Variants in ABCA13 observed in about 807,000 individuals in gnomAD.
ABCA13 encodes ATP binding cassette subfamily A member 13.
ABCA13 carries 476 observed loss-of-function variants against 478.7 expected under a neutral mutation model. The observed-to-expected ratio is 0.99, with a 90% confidence interval of 0.92 to 1.07. ABCA13 has a LOEUF of 1.07. ABCA13 is among the 50% of genes least tolerant of loss of function. The pLI is 0.00. For missense variants in ABCA13, 6,060 were observed against 5,910.6 expected (o/e 1.03, Z -0.83); for synonymous variants, 2,252 against 2,158.9 (o/e 1.04, Z -1.20).
intron 32 of ABCA13, among the ~76,000 whole-genome samples, chr7:48,369,447 G>A (rs556160030): frequency 6.6e-6 from 1 of 152,142 alleles, no homozygotes; most frequent in South Asian, 2.1e-4. Flanking sequence ...TTGGGTTCTT[G>A]GTCATGAAGT....
At chr7:48,399,380 G>A (rs531446428) in intron 38 of ABCA13, among the ~76,000 whole-genome samples, 1 of 152,270 alleles carries the variant, frequency 6.6e-6, no homozygotes, top group East Asian at 1.9e-4. Context: ...GAGACAAGGG[G>A]TTGTCTCTCC....
At chr7:48,468,701 A>C (rs371519333) in intron 44 of ABCA13, among the ~76,000 whole-genome samples, 1 of 152,242 alleles carries the variant, frequency 6.6e-6, no homozygotes, top group Non-Finnish European at 1.5e-5. Flanking sequence ...GACTTGGGCA[A>C]TCACTTGATA....
At chr7:48,396,177 T>C (rs780758137) in intron 38 of ABCA13, among the ~76,000 whole-genome samples, 2 of 152,184 alleles carry the variant, frequency 1.3e-5, no homozygotes, top group Admixed American at 6.5e-5. Context: ...AATCCTGAGA[T>C]CCTTCAAGGA....
At chr7:48,605,843 G>A (rs1213756543) in intron 58 of ABCA13, among the ~76,000 whole-genome samples, 1 of 152,036 alleles carries the variant, frequency 6.6e-6, no homozygotes, top group African/African-American at 2.4e-5. Flanking sequence ...TCACTTTCAG[G>A]TACACCAATC....
At chr7:48,478,356 A>G (rs1483741533) in intron 45 of ABCA13, among the ~76,000 whole-genome samples, 1 of 150,234 alleles carries the variant, frequency 6.7e-6, no homozygotes, top group East Asian at 1.9e-4. Context: ...GCTTTTTAAT[A>G]TATGCATTAC....
chr7:48,506,226 C>A, intron 48 of ABCA13, 110 bp from the exon 49 acceptor site: 2 of 1,204,962 alleles, frequency 1.7e-6, no homozygotes, highest in Non-Finnish European at 2.4e-6. Flanking sequence ...CTGGGCAAAG[C>A]AAGCAGGATA....
chr7:48,407,989 A>T (rs1818483585), intron 39 of ABCA13, among the ~76,000 whole-genome samples: 1 of 152,218 alleles, frequency 6.6e-6, no homozygotes, highest in Admixed American at 6.5e-5. Flanking sequence ...TGCTCCACAG[A>T]TACCAAGGGA....
At position 48,275,325 on chromosome 7, in the gene ABCA13, G is replaced by T; in HGVS notation, c.5659G>T (p.Val1887Phe). ...CCGAATGGAAATAACTAGGAAAGTG[G>T]TCTGCATAATTCATGAATTAGTGGA... Reference protein sequence around the residue: ...SSRMEITRKVVCIIHELVDWN... With the variant: ...SSRMEITRKVFCIIHELVDWN... The change falls in exon 17 of 62, where the codon GTC becomes TTC. Residue 1887 changes from valine (V) to phenylalanine (F), a missense_variant. By Grantham distance (50) the Val-to-Phe change is conservative. Coordinates refer to ENST00000435803, the MANE Select transcript of ABCA13 (RefSeq NM_152701.5). 6.2e-7 allele frequency: 1 copy of T among 1,613,916 alleles called. No homozygotes were observed. Among genetic ancestry groups the T allele is most frequent in the South Asian group, 1.1e-5 (1 of 91,082 alleles).
chr7:48,389,412 G>A (rs568481239), intron 37 of ABCA13, among the ~76,000 whole-genome samples, 192 bp downstream of exon 37: 73 of 152,280 alleles, frequency 4.8e-4, no homozygotes, highest in African/African-American at 9.1e-4. Flanking sequence ...GTCTTCAACC[G>A]CACAGGTGCA....
At chr7:48,236,398 CAGTT>C (rs769260012) in intron 8 of ABCA13, among the ~76,000 whole-genome samples, 17 of 152,138 alleles carry the variant, frequency 1.1e-4, no homozygotes, top group Admixed American at 8.5e-4. Flanking sequence ...TATTTTTAAA[CAGTT>C]AGGGAACGGT....
Position 48,227,301 on chromosome 7 carries a change from G to T in ABCA13, c.508G>T (p.Glu170Ter). ...NKTEEVILKL[E>*]SLHQQPHIWD... is the part of the protein sequence containing the mutation. ...GACCGAGGAGGTAATATTGAAACTG[G>T]AAAGCCTCCATCAGCAGCCTCATAT... The change falls in exon 6 of 62, where the codon GAA (glutamate) becomes TAA (stop). Residue 170 changes from glutamate to a stop codon, truncating the protein, a stop_gained. Transcript: ENST00000435803. LOFTEE classifies it high-confidence loss of function. 1.9e-6 allele frequency: 3 copies of T among 1,613,688 alleles called. No individual in the cohort carries two copies. The highest frequency in any genetic ancestry group is 2.5e-6 in the Non-Finnish European group (3 of 1,179,818).
intron 50 of ABCA13, among the ~76,000 whole-genome samples, chr7:48,510,691 C>G (rs1226358613): frequency 6.6e-6 from 1 of 152,166 alleles, no homozygotes; most frequent in South Asian, 2.1e-4. Flanking sequence ...TGAGGCTTCT[C>G]TCCTTGGCTT....
chr7:48,202,170 C>G (rs879401637), intron 3 of ABCA13, among the ~76,000 whole-genome samples: 334 of 152,278 alleles, frequency 2.2e-3, no homozygotes, highest in Non-Finnish European at 4.2e-3. Flanking sequence ...TGGAAGGGGA[C>G]CCTAGTGGCT....
At chr7:48,529,721 G>A (rs1833098611) in intron 55 of ABCA13, among the ~76,000 whole-genome samples, 1 of 151,968 alleles carries the variant, frequency 6.6e-6, no homozygotes, top group Non-Finnish European at 1.5e-5. Context: ...ACTTTATGTT[G>A]CATTTATAAA....
chr7:48,499,875 C>T (rs543873760), intron 48 of ABCA13, among the ~76,000 whole-genome samples: 1 of 152,268 alleles, frequency 6.6e-6, no homozygotes, highest in East Asian at 1.9e-4. Context: ...TGTTACCTAC[C>T]TAGAGTACTG....
In ABCA13 at chr7:48,333,779, A is replaced by C. The variant is rs552309390; in HGVS notation, c.10000-1643A>C. On this transcript the variant is annotated intron_variant, in intron 27 of 61. Transcript: ENST00000435803. ...GAGATGGAGCCTCCAGCAGTTGGAG[A>C]AGAAGGGGACTTCTTAGGAGCCCAG... is the stretch of plus-strand genomic sequence containing the variant. Among the ~76,000 whole-genome samples the C allele has an allele frequency of 2.2e-4, 33 of 152,278 alleles. 1 individual carries two copies. In the South Asian group the frequency reaches 6.6e-3, roughly 31 times the overall value.
intron 53 of ABCA13, 108 bp from the exon 54 acceptor site, chr7:48,524,140 C>T (rs548907687): frequency 1.5e-5 from 16 of 1,039,540 alleles, no homozygotes; most frequent in South Asian, 3.6e-5. Context: ...CCCAGAAGTC[C>T]GAAGGTGATA....
Position 48,645,458 on chromosome 7 carries a change from A to G in ABCA13, c.15123A>G (p.Gln5041=), listed in dbSNP as rs776022418. ...NFASEQQQTL[Q]STLDPSTDSH... ...CTTCTGAGCAGCAGCAAACTCTACAATCTACTCTTGATCCATCCACTGACA... is the reference window on the plus strand; with the variant it reads ...CTTCTGAGCAGCAGCAAACTCTACAGTCTACTCTTGATCCATCCACTGACA... The change falls in exon 62 of 62, where the codon CAA becomes CAG. Residue 5041 remains glutamine, a synonymous_variant. Coordinates refer to ENST00000435803, the MANE Select transcript of ABCA13 (RefSeq NM_152701.5). The G allele has an allele frequency of 1.6e-5, 25 of 1,587,914 alleles. No homozygotes were observed. The highest frequency in any genetic ancestry group is 7.1e-5 in the Admixed American group (4 of 56,476).
In ABCA13 at chr7:48,274,640, A is replaced by G. The variant is rs753950529; in HGVS notation, c.4974A>G (p.Gln1658=). The G allele has an allele frequency of 1.2e-6, 2 of 1,613,894 alleles. No homozygotes were observed. The highest frequency in any genetic ancestry group is 1.7e-6 in the Non-Finnish European group (2 of 1,179,864). Residue 1658 remains glutamine, a synonymous_variant, in exon 17 of 62, where the codon CAA becomes CAG. Transcript: ENST00000435803. ...HTSPQNAGYM[Q]ALKKVTSVMR... ...GTCCACAAAATGCAGGTTATATGCA[A>G]GCTTTGAAGAAGGTAACTTCTGTCA...
Sources: allele counts gnomAD v4.1 joint callset (sites outside exome capture counted in the v4.1 genomes callset), GRCh38; gene constraint gnomAD v4.1.1; transcripts MANE v1.5; gene names NCBI Gene and HGNC (gene_info 2026-07-23, HGNC 2026-07-21).